The following ZFHX2 variants were observed in gnomAD, a reference collection of about 807,000 sequenced individuals.
ZFHX2 encodes zinc finger homeobox 2.
A neutral mutation model predicts 164.8 loss-of-function variants in ZFHX2; 75 were observed. That is an observed-to-expected ratio of 0.46 (90% CI 0.38 to 0.55). The LOEUF (loss-of-function observed/expected upper bound fraction) is 0.55, where lower values mean the gene tolerates loss of function less well. Ranked by LOEUF, ZFHX2 falls within the 20% of genes least tolerant of loss-of-function variation. ZFHX2 has a pLI of 0.00. For synonymous variants in ZFHX2, 1,217 were observed against 1,351.4 expected (o/e 0.90, Z 2.18); for missense variants, 2,933 against 3,308.0 (o/e 0.89, Z 2.78).
intron 6 of ZFHX2, 101 bp from the exon 7 acceptor site, chr14:23,527,905 T>A: frequency 7.0e-6 from 5 of 715,780 alleles, no homozygotes; most frequent in African/African-American, 1.9e-5. Context: ...CCACTCCTTT[T>A]TTTTTTTTTT....
At chr14:23,544,541 C>T (rs1225383575) in intron 1 of ZFHX2, among the ~76,000 whole-genome samples, 1 of 152,172 alleles carries the variant, frequency 6.6e-6, no homozygotes, top group Admixed American at 6.5e-5. Context: ...TGGATTTTCC[C>T]AGGCCCTCCA....
In ZFHX2 at chr14:23,534,899, G is replaced by A. The variant is rs761602863; in HGVS notation, c.427C>T (p.Pro143Ser). The change falls in exon 2 of 10, where the codon CCC becomes TCC. Residue 143 changes from proline (P) to serine (S), a missense_variant. Coordinates refer to ENST00000419474, the MANE Select transcript of ZFHX2 (RefSeq NM_033400.3). The surrounding 1 kb of genome is among the most constrained non-coding windows in gnomAD (Gnocchi z 4.5). ...GSELLLPKGF[P>S]WGEAGIKEEP... ...TCCTTGATGCCCGCCTCACCCCAGG[G>A]GAAGCCCTTTGGTAACAGGAGTTCA... is the stretch of plus-strand genomic sequence containing the variant. 5 of 1,536,142 alleles carry A rather than the reference G, an allele frequency of 3.3e-6. No individual in the cohort carries two copies. The South Asian group carries it at 5.9e-5, about 18-fold the overall frequency.
chr14:23,527,548 T>G, intron 7 of ZFHX2, 56 bp downstream of exon 7: 1 of 1,530,380 alleles, frequency 6.5e-7, no homozygotes, highest in Non-Finnish European at 8.8e-7. Flanking sequence ...CTTCCTCCCC[T>G]CCTGCACAGC....
chr14:23,522,875 T>C lies in ZFHX2; in HGVS notation c.6806A>G (p.Gln2269Arg). ...TSVLPTTTVV[Q>R]TAGPGRPLPQ... The stretch of plus-strand genomic sequence containing the variant: ...TAAGGGGCGGCCTGGGCCAGCAGTC[T>C]GGACCACTGTGGTGGTAGGCAGGAC... Residue 2269 changes from glutamine to arginine, a missense_variant, in exon 10 of 10, where the codon CAG becomes CGG. Transcript: ENST00000419474. 5 of 1,504,424 alleles carry C rather than the reference T, an allele frequency of 3.3e-6. No homozygotes were observed. The highest frequency in any genetic ancestry group is 1.8e-4 in the Middle Eastern group (1 of 5,540). 93.2% of individuals were successfully genotyped at this position (1,504,424 alleles called of 1,614,324 possible). A position where few individuals can be genotyped will look rare whatever the true frequency, so the allele number is the denominator to read the frequency against.
chr14:23,525,325 C>T lies in ZFHX2; in HGVS notation c.4617G>A (p.Gly1539=). 1.3e-6 allele frequency: 2 copies of T among 1,536,082 alleles called. No individual in the cohort carries two copies. The highest frequency in any genetic ancestry group is 2.4e-5 in the South Asian group (2 of 84,058). Residue 1539 remains glycine, a synonymous_variant, in exon 9 of 10, where the codon GGG becomes GGA. Coordinates refer to ENST00000419474, the MANE Select transcript of ZFHX2 (RefSeq NM_033400.3). This position sits in a 1 kb window ranked among gnomAD's most constrained non-coding sequence, Gnocchi z 5.9. The stretch of plus-strand genomic sequence containing the variant: ...GATGGGGAACAGGTGAATCCAGAGA[C>T]CCATCAGGAGGTTTGGGAGGCTCTG... ...PLAEPPKPPD[G]SLDSPVPHLG...
Position 23,522,503 on chromosome 14 carries a change from A to G in ZFHX2, c.7178T>C (p.Ile2393Thr), listed in dbSNP as rs1385900717. ...PMNPMIPQTL[I>T]GLLPNALLQP... ...GAGGAGGGCATTGGGGAGCAGCCCAATGAGGGTCTGAGGTATCATGGGGTT... is the reference window on the plus strand; with the variant it reads ...GAGGAGGGCATTGGGGAGCAGCCCAGTGAGGGTCTGAGGTATCATGGGGTT... The change falls in exon 10 of 10, where the codon ATT (isoleucine) becomes ACT (threonine). Residue 2393 changes from isoleucine to threonine, a missense_variant. Ile to Thr is a moderately conservative substitution (Grantham distance 89). Transcript: ENST00000419474. The G allele has an allele frequency of 1.6e-5, 25 of 1,533,250 alleles. No individual in the cohort carries two copies. The highest frequency in any genetic ancestry group is 2.2e-5 in the Non-Finnish European group (25 of 1,145,050). The allele number at this position is 1,533,250 out of a possible 1,614,324, so 95.0% of individuals were successfully genotyped here. A position where few individuals can be genotyped will look rare whatever the true frequency, so the allele number is the denominator to read the frequency against.
In ZFHX2 at chr14:23,535,633, C is replaced by T. The variant is rs567600123; in HGVS notation, c.-49-259G>A. 2.6e-5 allele frequency among the ~76,000 whole-genome samples: 4 copies of T among 151,942 alleles called. No individual in the cohort carries two copies. In the South Asian group the frequency reaches 6.2e-4, roughly 24 times the overall value. The stretch of plus-strand genomic sequence containing the variant: ...TTGAGATGGAGTTTTGCTCTTGTTG[C>T]CCAGGATGGAGTGCAATGGCGTGAT... On this transcript the variant is annotated intron_variant, in intron 1 of 9. Transcript: ENST00000419474. The surrounding 1 kb of genome is among the most constrained non-coding windows in gnomAD (Gnocchi z 4.5).
Position 23,523,053 on chromosome 14 carries a change from C to G in ZFHX2, c.6740-112G>C. 2.1e-6 allele frequency: 3 copies of G among 1,406,456 alleles called. No individual in the cohort carries two copies. The highest frequency in any genetic ancestry group is 1.8e-6 in the Non-Finnish European group (2 of 1,085,392). The allele number at this position is 1,406,456 out of a possible 1,614,324, so 87.1% of individuals were successfully genotyped here. ...CCGTTCCCAGCACCGGATTTCCATG[C>G]CCCTTCCCTCCCTTCTTTCCCCCAA... On this transcript the variant is annotated intron_variant, in intron 9 of 9. Coordinates refer to ENST00000419474, the MANE Select transcript of ZFHX2 (RefSeq NM_033400.3). This position sits in a 1 kb window ranked among gnomAD's most constrained non-coding sequence, Gnocchi z 4.1.
rs765033269 is a variant in ZFHX2 at position 23,526,006 on chromosome 14, G to A, written c.3936C>T (p.Asp1312=). The change falls in exon 9 of 10, where the codon GAC becomes GAT. Residue 1312 remains aspartate (D), a synonymous_variant. Coordinates refer to ENST00000419474, the MANE Select transcript of ZFHX2 (RefSeq NM_033400.3). ...GEVGTEKKGP[D]TSGFISGLPF... is the part of the protein sequence containing the mutation. ...GCAATCCAGATATGAAGCCACTGGT[G>A]TCAGGGCCCTTCTTCTCAGTGCCCA... 2.0e-6 allele frequency: 3 copies of A among 1,533,172 alleles called. No homozygotes were observed. The highest frequency in any genetic ancestry group is 2.4e-5 in the East Asian group (1 of 40,898). 95.0% of individuals were successfully genotyped at this position (1,533,172 alleles called of 1,614,324 possible). A position where few individuals can be genotyped will look rare whatever the true frequency, so the allele number is the denominator to read the frequency against.
At chr14:23,553,576 G>A (rs1353455241), upstream of ZFHX2, among the ~76,000 whole-genome samples, 2 of 149,088 alleles carry the variant, frequency 1.3e-5, no homozygotes, top group Non-Finnish European at 3.0e-5. Context: ...TCCAGCCTGG[G>A]CAACAAGAGT....
rs937239239 is a variant in ZFHX2, at chr14:23,534,099, G to A, written c.1227C>T (p.Pro409=). 27 of 1,497,276 alleles carry A rather than the reference G, an allele frequency of 1.8e-5. No individual in the cohort carries two copies. The highest frequency in any genetic ancestry group is 1.5e-4 in the African/African-American group (11 of 72,224). The allele number at this position is 1,497,276 out of a possible 1,614,324, so 92.7% of individuals were successfully genotyped here. Residue 409 remains proline, a synonymous_variant, in exon 2 of 10, where the codon CCC becomes CCT. Transcript: ENST00000419474. This position sits in a 1 kb window ranked among gnomAD's most constrained non-coding sequence, Gnocchi z 4.5. Reference sequence around the variant, plus strand: ...GCTGGGGTGGGTCACTGGGGTCTTCGGGGGAGCCCACTGGGGCAGGGAGAG... The same window carrying A: ...GCTGGGGTGGGTCACTGGGGTCTTCAGGGGAGCCCACTGGGGCAGGGAGAG... ...GGTLPAPVGS[P]EDPSDPPQPY... is the part of the protein sequence containing the mutation.
At position 23,524,881 on chromosome 14, in the gene ZFHX2, G is replaced by C; in HGVS notation, c.5061C>G (p.Arg1687=). The change falls in exon 9 of 10, where the codon CGC becomes CGG. Residue 1687 remains arginine, a synonymous_variant. Transcript: ENST00000419474. The surrounding 1 kb of genome is among the most constrained non-coding windows in gnomAD (Gnocchi z 5.6). ...GGTCATCATAGCACTTCTTGAGGTG[G>C]CGCACCAACTCAAAAACACAGGAGA... The part of the protein sequence containing the change: ...ATFSCVFELV[R]HLKKCYDDQT... 1 of 1,536,354 alleles carries C rather than the reference G, an allele frequency of 6.5e-7. No individual in the cohort carries two copies. The highest frequency in any genetic ancestry group is 8.7e-7 in the Non-Finnish European group (1 of 1,146,948).
At position 23,524,321 on chromosome 14, in the gene ZFHX2, C is replaced by T. The variant is rs757438843; in HGVS notation, c.5621G>A (p.Arg1874His). ...ILPEQLEILY[R>H]WYMQDSNPTR... ...TGGGTTGGAATCCTGCATGTACCAA[C>T]GGTACAGGATCTCTAGCTGCTCAGG... is the stretch of plus-strand genomic sequence containing the variant. Residue 1874 changes from arginine to histidine, a missense_variant, in exon 9 of 10, where the codon CGT becomes CAT. Transcript: ENST00000419474. The surrounding 1 kb of genome is among the most constrained non-coding windows in gnomAD (Gnocchi z 5.6). The T allele has an allele frequency of 1.2e-4, 192 of 1,536,336 alleles. 2 individuals are homozygous for T. In the African/African-American group the frequency reaches 1.4e-3, roughly 11 times the overall value.
At chr14:23,537,292 C>A (rs897229977) in intron 1 of ZFHX2, among the ~76,000 whole-genome samples, 2 of 151,954 alleles carry the variant, frequency 1.3e-5, no homozygotes, top group African/African-American at 4.8e-5. Context: ...GCCTCTCCAT[C>A]CTATACTTCC....
rs1430889197 is a variant in ZFHX2, at chr14:23,525,804, G to T, written c.4138C>A (p.Leu1380Ile). 4 of 1,472,306 alleles carry T rather than the reference G, an allele frequency of 2.7e-6. No homozygotes were observed. The highest frequency in any genetic ancestry group is 2.4e-5 in the Admixed American group (1 of 41,998). 91.2% of individuals were successfully genotyped at this position (1,472,306 alleles called of 1,614,324 possible). ...GACAGCACAGGTGCAGGCCCAGCTA[G>T]TGTCAGCTTGGGCCCCACCTTGAGA... is the stretch of plus-strand genomic sequence containing the variant. ...HDLKVGPKLT[L>I]AGPAPVLSLP... The change falls in exon 9 of 10, where the codon CTA becomes ATA. Residue 1380 changes from leucine (L) to isoleucine (I), a missense_variant. By Grantham distance (5) the Leu-to-Ile change is conservative (BLOSUM62 2). Transcript: ENST00000419474. This position sits in a 1 kb window ranked among gnomAD's most constrained non-coding sequence, Gnocchi z 5.9.
intron 1 of ZFHX2, among the ~76,000 whole-genome samples, chr14:23,549,818 AC>A (rs1264532378): frequency 6.6e-6 from 1 of 152,092 alleles, no homozygotes; most frequent in Non-Finnish European, 1.5e-5. Flanking sequence ...CACAAACCAT[AC>A]CCCACACCTC....
chr14:23,544,497 TTTGGGG>T (rs1881166877), intron 1 of ZFHX2, among the ~76,000 whole-genome samples: 1 of 152,222 alleles, frequency 6.6e-6, no homozygotes, highest in Non-Finnish European at 1.5e-5. Flanking sequence ...CCAGTACTTC[TTTGGGG>T]TTGGTGAAGG....
At position 23,527,684 on chromosome 14, in the gene ZFHX2, C is replaced by G; in HGVS notation, c.3055G>C (p.Val1019Leu). The G allele has an allele frequency of 6.5e-7, 1 of 1,536,296 alleles. No homozygotes were observed. The highest frequency in any genetic ancestry group is 1.2e-5 in the South Asian group (1 of 84,064). ...TGGAAGTGCAGGGCAGGCCGGCCCA[C>G]CAGCTGTTCCTGGCACAGTGGGCAT... Reference protein sequence around the residue: ...YRCPLCQEQLVGRPALHFHLS... With the variant: ...YRCPLCQEQLLGRPALHFHLS... The change falls in exon 7 of 10, where the codon GTG becomes CTG. Residue 1019 changes from valine (V) to leucine (L), a missense_variant. Transcript: ENST00000419474.
In ZFHX2 at chr14:23,530,073, G is replaced by A. The variant is rs750767881; in HGVS notation, c.2875+47C>T. On this transcript the variant is annotated intron_variant, in intron 5 of 9. Coordinates refer to ENST00000419474, the MANE Select transcript of ZFHX2 (RefSeq NM_033400.3). ...CCTGGATTACTGCAAGGTCCCGTGA[G>A]CGTCTCAGAAGGTAGGAGGACTGGG... 22 of 1,472,536 alleles carry A rather than the reference G, an allele frequency of 1.5e-5. No homozygotes were observed. In the East Asian group the frequency reaches 3.9e-4, roughly 26 times the overall value. 91.2% of individuals were successfully genotyped at this position (1,472,536 alleles called of 1,614,324 possible).
Sources: gnomAD v4.1 joint callset for allele counts (sites outside exome capture counted in the v4.1 genomes callset) on GRCh38, gnomAD v4.1.1 for gene constraint, Gnocchi (gnomAD v3.1) non-coding constraint, MANE v1.5 for transcripts, NCBI Gene and HGNC (gene_info 2026-07-23, HGNC 2026-07-21) for gene names.